The following WDR27 variants were observed in gnomAD, a reference collection of about 807,000 sequenced individuals.
WDR27 encodes WD repeat-containing protein 27.
Under a neutral mutation model 114.4 loss-of-function variants are expected in WDR27, and 100 were observed. That is an observed-to-expected ratio of 0.87 (90% CI 0.74 to 1.03). WDR27 has a LOEUF of 1.03. WDR27 is among the 50% of genes least tolerant of loss of function. The probability of loss-of-function intolerance (pLI) is 0.00; values close to 1 mark genes in which losing one functional copy is unlikely to be tolerated. For missense variants in WDR27, 1,129 were observed against 1,092.9 expected, an observed-to-expected ratio of 1.03 and a Z score of -0.47; for synonymous variants, 449 against 423.1, an observed-to-expected ratio of 1.06 and a Z score of -0.75.
chr6:169,530,498 C>G (rs1359934086), intron 25 of WDR27, among the ~76,000 whole-genome samples: 9 of 152,232 alleles, frequency 5.9e-5, no homozygotes, highest in African/African-American at 2.2e-4. Flanking sequence ...CTCCCCACCT[C>G]TGCTCCTCAG....
intron 25 of WDR27, among the ~76,000 whole-genome samples, chr6:169,496,716 T>C (rs1383287245): frequency 1.3e-5 from 2 of 152,080 alleles, no homozygotes; most frequent in Non-Finnish European, 2.9e-5. Context: ...ATAAAATACT[T>C]GGCAACTAAC....
At chr6:169,460,002 T>G (rs962484153) in intron 25 of WDR27, among the ~76,000 whole-genome samples, 23 of 152,180 alleles carry the variant, frequency 1.5e-4, no homozygotes, top group Admixed American at 1.0e-3. Flanking sequence ...AGACAGGAAT[T>G]TGAAGGTGTA....
intron 22 of WDR27, among the ~76,000 whole-genome samples, chr6:169,607,391 T>TACACACACACACAC (rs771848826): frequency 4.6e-5 from 4 of 87,386 alleles, no homozygotes; most frequent in African/African-American, 1.9e-4. Context: ...CTTGTGTGTG[T>TACACACACACACAC]ATACACACAC....
chr6:169,534,228 G>A (rs750568230), intron 25 of WDR27, among the ~76,000 whole-genome samples: 12 of 152,158 alleles, frequency 7.9e-5, no homozygotes, highest in Non-Finnish European at 1.3e-4. Context: ...TTGCATTCCG[G>A]GGACGAATCC....
At chr6:169,504,296 C>T (rs1478482235) in intron 25 of WDR27, among the ~76,000 whole-genome samples, 1 of 152,174 alleles carries the variant, frequency 6.6e-6, no homozygotes, top group African/African-American at 2.4e-5. Flanking sequence ...TCTGTGTCCC[C>T]ACCCAAATCT....
intron 23 of WDR27, among the ~76,000 whole-genome samples, chr6:169,601,033 T>C (rs2128168939): frequency 6.6e-6 from 1 of 152,014 alleles, no homozygotes; most frequent in Admixed American, 6.5e-5. Context: ...AAAGTTGAAA[T>C]GAAGGAAAAA....
At chr6:169,536,751 A>G (rs907043658) in intron 25 of WDR27, among the ~76,000 whole-genome samples, 1 of 152,148 alleles carries the variant, frequency 6.6e-6, no homozygotes, top group Non-Finnish European at 1.5e-5. Flanking sequence ...TTTTCCAATC[A>G]TTAGAGGGAT....
intron 25 of WDR27, among the ~76,000 whole-genome samples, chr6:169,490,555 C>T (rs1290070148): frequency 6.6e-6 from 1 of 152,184 alleles, no homozygotes; most frequent in Non-Finnish European, 1.5e-5. Context: ...GGTCCGATAT[C>T]AGTTGCGGGT....
At chr6:169,587,438 C>T (rs939399832) in intron 23 of WDR27, among the ~76,000 whole-genome samples, 17 of 151,962 alleles carry the variant, frequency 1.1e-4, no homozygotes, top group African/African-American at 2.9e-4. Flanking sequence ...AGGCTGGTCT[C>T]GAACTCTTGA....
the WDR27 span, among the ~76,000 whole-genome samples, chr6:169,434,009 T>A: frequency 1.3e-5 from 2 of 152,240 alleles, no homozygotes; most frequent in Non-Finnish European, 2.9e-5. Flanking sequence ...ATGGATAGAT[T>A]GCAAAAATTT....
At chr6:169,489,102 G>A (rs1184418592) in intron 25 of WDR27, among the ~76,000 whole-genome samples, 1 of 152,028 alleles carries the variant, frequency 6.6e-6, no homozygotes. Context: ...CCCGACCCTG[G>A]TGCAGATGCA....
intron 13 of WDR27, among the ~76,000 whole-genome samples, chr6:169,653,268 ATTT>A (rs1246554293): frequency 6.6e-6 from 1 of 152,124 alleles, no homozygotes; most frequent in Non-Finnish European, 1.5e-5. Flanking sequence ...GTTTCCAAAA[ATTT>A]TTTACTAGAA....
intron 24 of WDR27, among the ~76,000 whole-genome samples, 172 bp downstream of exon 24, chr6:169,582,660 TTCTC>T (rs532288380): frequency 6.6e-6 from 1 of 152,082 alleles, no homozygotes; most frequent in Non-Finnish European, 1.5e-5. Flanking sequence ...AAAGGTTTAT[TTCTC>T]TCTCTCTCGC....
At chr6:169,667,901 A>G (rs962928102) in intron 5 of WDR27, 81 bp downstream of exon 5, 1 of 1,362,196 alleles carries the variant, frequency 7.3e-7, no homozygotes, top group Non-Finnish European at 9.8e-7. Flanking sequence ...GTGGCCGTGA[A>G]GCAACCGCAC....
chr6:169,580,114 A>G (rs535926902), intron 24 of WDR27, among the ~76,000 whole-genome samples: 26 of 152,322 alleles, frequency 1.7e-4, no homozygotes, highest in African/African-American at 5.8e-4. Context: ...CAGACTTCCA[A>G]TATTTGACCA....
At chr6:169,658,179 T>C (rs1824808818) in intron 13 of WDR27, 97 bp downstream of exon 13, 5 of 969,846 alleles carry the variant, frequency 5.2e-6, no homozygotes, top group Non-Finnish European at 6.4e-6. Flanking sequence ...GGAATGCATA[T>C]TTTAACATAA....
At chr6:169,559,455 T>C (rs1376310516) in intron 25 of WDR27, 2 of 152,044 alleles carry the variant, frequency 1.3e-5, no homozygotes, top group African/African-American at 4.8e-5. Flanking sequence ...AACTATAAAT[T>C]GTACATGAAA....
chr6:169,611,485 T>C (rs1459385346), intron 22 of WDR27, among the ~76,000 whole-genome samples: 3 of 151,996 alleles, frequency 2.0e-5, no homozygotes, highest in Non-Finnish European at 4.4e-5. Flanking sequence ...ATCGTATTTT[T>C]AGTAGAGATG....
chr6:169,456,042 G>A (rs926893083), downstream of WDR27, among the ~76,000 whole-genome samples: 10 of 152,064 alleles, frequency 6.6e-5, no homozygotes, highest in South Asian at 2.1e-4. The surrounding 1 kb of genome is among the most constrained non-coding windows in gnomAD (Gnocchi z 4.0). Context: ...AATTTTAAAT[G>A]ATTTACTGAA....
Sources: allele counts gnomAD v4.1 joint callset (sites outside exome capture counted in the v4.1 genomes callset), GRCh38; gene constraint gnomAD v4.1.1; non-coding constraint Gnocchi (gnomAD v3.1); transcripts MANE v1.5; gene names NCBI Gene and HGNC (gene_info 2026-07-23, HGNC 2026-07-21).